ERC2: variants seen among roughly 807,000 people sequenced by gnomAD.
ERC2 encodes the protein ELKS/RAB6-interacting/CAST family member 2, also known as ERC protein 2.
In ERC2, 42 loss-of-function variants were observed where a neutral mutation model predicts 114.8. The observed-to-expected ratio is 0.37, with a 90% CI of 0.29 to 0.47. The LOEUF is 0.47. Among genes scored for constraint, ERC2 ranks in the 20% least tolerant of loss-of-function variants. The pLI, the probability that ERC2 is intolerant of heterozygous loss-of-function variation, is 0.99. For synonymous variants in ERC2, 454 were observed against 425.5 expected (o/e 1.07, Z -0.82); for missense variants, 939 against 1,150.7 (o/e 0.82, Z 2.66).
At chr3:55,609,266 C>T (rs1386348452) in intron 17 of ERC2, among the ~76,000 whole-genome samples, 1 of 152,186 alleles carries the variant, frequency 6.6e-6, no homozygotes, top group African/African-American at 2.4e-5. Context: ...ACCTGCACGG[C>T]ACAAGGTTCC....
At chr3:55,778,049 A>G (rs1476033980) in intron 14 of ERC2, among the ~76,000 whole-genome samples, 2 of 152,202 alleles carry the variant, frequency 1.3e-5, no homozygotes, top group East Asian at 3.8e-4. Context: ...TCCTTTTTCA[A>G]TGAAGTAAAT....
intron 7 of ERC2, among the ~76,000 whole-genome samples, chr3:56,037,302 T>A (rs2074869201): frequency 6.6e-6 from 1 of 152,090 alleles, no homozygotes; most frequent in Non-Finnish European, 1.5e-5. Flanking sequence ...CTAAGAACCC[T>A]GATAAAACAT....
At chr3:55,542,658 G>T (rs1234067807) in intron 17 of ERC2, among the ~76,000 whole-genome samples, 1 of 152,182 alleles carries the variant, frequency 6.6e-6, no homozygotes, top group Non-Finnish European at 1.5e-5. Flanking sequence ...ATGAAAAAAT[G>T]AAGAGCTTTG....
rs145560848 is a variant in ERC2 at position 56,101,741 on chromosome 3, T to C, written c.1474-20757A>G. Among the ~76,000 whole-genome samples the C allele has an allele frequency of 5.9e-3, 900 of 152,198 alleles. 23 individuals carry two copies. In the East Asian group the frequency reaches 0.062, roughly 10 times the overall value. ...AGCCATTGTGGTTTTAGTGTCCCTA[T>C]AATATAGAGGAAGTCATCCATTAAA... On this transcript the variant is annotated intron_variant, in intron 6 of 17. Coordinates refer to ENST00000288221, the MANE Select transcript of ERC2 (RefSeq NM_015576.3).
chr3:55,905,019 G>A (rs985558764), intron 13 of ERC2, among the ~76,000 whole-genome samples: 3 of 152,162 alleles, frequency 2.0e-5, no homozygotes, highest in South Asian at 2.1e-4. Context: ...AGCAGCTCCC[G>A]TTTCCAAATA....
chr3:56,018,079 G>A (rs1304702835), intron 8 of ERC2, among the ~76,000 whole-genome samples: 1 of 152,016 alleles, frequency 6.6e-6, no homozygotes, highest in African/African-American at 2.4e-5. Flanking sequence ...GACATAACGG[G>A]GATACCTAGG....
At chr3:55,643,555 C>T (rs942634905) in intron 17 of ERC2, among the ~76,000 whole-genome samples, 7 of 152,164 alleles carry the variant, frequency 4.6e-5, no homozygotes, top group South Asian at 2.1e-4. Flanking sequence ...TCTGTCTGTA[C>T]GTCACTTTCC....
intron 13 of ERC2, among the ~76,000 whole-genome samples, chr3:55,914,402 A>C (rs1439247620): frequency 6.6e-6 from 1 of 152,178 alleles, no homozygotes; most frequent in Admixed American, 6.5e-5. Context: ...ATGAAACAGA[A>C]GTTCAGAAAA....
At chr3:55,732,211 C>A (rs1202031305) in intron 15 of ERC2, among the ~76,000 whole-genome samples, 1 of 152,128 alleles carries the variant, frequency 6.6e-6, no homozygotes, top group Non-Finnish European at 1.5e-5. Flanking sequence ...ATACAAGACC[C>A]AGCATGGAGT....
intron 1 of ERC2, among the ~76,000 whole-genome samples, chr3:56,439,382 G>A (rs952373125): frequency 1.3e-5 from 2 of 152,188 alleles, no homozygotes; most frequent in African/African-American, 4.8e-5. Context: ...GGAGTTCGAG[G>A]CTACAGTGAG....
At chr3:55,671,808 G>T (rs1450989554) in intron 17 of ERC2, among the ~76,000 whole-genome samples, 9 of 152,072 alleles carry the variant, frequency 5.9e-5, no homozygotes. Flanking sequence ...GAGAAGTCAG[G>T]CTGCAGCAAA....
chr3:55,729,837 C>CAAAAAA lies in ERC2; in HGVS notation c.2712+4928_2712+4933dup, dbSNP rs71096498. ...AGGGTAATGCAGTGAGACTCTATCGCAAAAAAAAAAAAAAAAAAAAAAAAA... is the reference window on the plus strand; with the variant it reads ...AGGGTAATGCAGTGAGACTCTATCGCAAAAAAAAAAAAAAAAAAAAAAAAAAAAAAA... On this transcript the variant is annotated intron_variant, in intron 15 of 17. Transcript: ENST00000288221. Among the ~76,000 whole-genome samples, 301 of 61,634 alleles carry CAAAAAA rather than the reference C, an allele frequency of 4.9e-3. 87 individuals are homozygous for CAAAAAA. In the Middle Eastern group the frequency reaches 0.052, roughly 11 times the overall value. 40.4% of individuals were successfully genotyped at this position (61,634 alleles called of 152,430 possible). A position where few individuals can be genotyped will look rare whatever the true frequency, so the allele number is the denominator to read the frequency against.
At chr3:55,829,668 C>G (rs143407917) in intron 14 of ERC2, among the ~76,000 whole-genome samples, 1 of 152,136 alleles carries the variant, frequency 6.6e-6, no homozygotes, top group African/African-American at 2.4e-5. Context: ...GTGTGCACCA[C>G]CACATCCAGT....
chr3:56,298,025 A>G (rs2055569154), intron 2 of ERC2, among the ~76,000 whole-genome samples: 3 of 152,248 alleles, frequency 2.0e-5, no homozygotes. Flanking sequence ...ATGCAGAGAA[A>G]GAAACTGATA....
At chr3:56,405,490 T>C (rs9865182) in intron 2 of ERC2, among the ~76,000 whole-genome samples, 6,785 of 151,576 alleles carry the variant, frequency 0.045, 378 homozygotes, top group African/African-American at 0.13. Context: ...TCAAAGTCAA[T>C]GTTCACACAG....
chr3:56,306,764 C>G (rs375617999), intron 2 of ERC2, among the ~76,000 whole-genome samples: 2 of 152,116 alleles, frequency 1.3e-5, no homozygotes, highest in African/African-American at 2.4e-5. Flanking sequence ...GTGTAACAGC[C>G]CAGACTCTGG....
intron 1 of ERC2, among the ~76,000 whole-genome samples, chr3:56,449,356 G>A (rs1440997641): frequency 2.0e-5 from 3 of 152,134 alleles, no homozygotes; most frequent in Non-Finnish European, 4.4e-5. Context: ...CACCTGCATT[G>A]GTCCCTTGGA....
At position 55,517,216 on chromosome 3, in the gene ERC2, G is replaced by A. The variant is rs1244281303; in HGVS notation, c.*40-5940C>T. Among the ~76,000 whole-genome samples, 8 of 151,944 alleles carry A rather than the reference G, an allele frequency of 5.3e-5. No individual in the cohort carries two copies. In the South Asian group the frequency reaches 8.3e-4, roughly 16 times the overall value. On this transcript the variant is annotated intron_variant, in intron 17 of 17. Coordinates refer to ENST00000288221, the MANE Select transcript of ERC2 (RefSeq NM_015576.3). Reference sequence around the variant, plus strand: ...AGCACTTCGGGAGGCAGAGGCGGGCGGATCACTTGAGTCCAGGAGTTCAAG... The same window carrying A: ...AGCACTTCGGGAGGCAGAGGCGGGCAGATCACTTGAGTCCAGGAGTTCAAG...
At position 55,952,180 on chromosome 3, in the gene ERC2, C is replaced by CTATATATA. The variant is rs1491480619; in HGVS notation, c.2268-1621_2268-1620insTATATATA. 3.2e-3 allele frequency among the ~76,000 whole-genome samples: 81 copies of CTATATATA among 25,552 alleles called. 4 individuals are homozygous for CTATATATA. The highest frequency in any genetic ancestry group is 0.036 in the Middle Eastern group (1 of 28). The allele number at this position is 25,552 out of a possible 152,430, so 16.8% of individuals were successfully genotyped here. A position where few individuals can be genotyped will look rare whatever the true frequency, so the allele number is the denominator to read the frequency against. On this transcript the variant is annotated intron_variant, in intron 12 of 17. Coordinates refer to ENST00000288221, the MANE Select transcript of ERC2 (RefSeq NM_015576.3). ...ACACACACACACACACACACACACA[C>CTATATATA]TCTCTCTCTCTCTCTCTCTATATAT... is the stretch of plus-strand genomic sequence containing the variant.
Sources: allele counts gnomAD v4.1 joint callset (sites outside exome capture counted in the v4.1 genomes callset), GRCh38; gene constraint gnomAD v4.1.1; transcripts MANE v1.5; gene names NCBI Gene and HGNC (gene_info 2026-07-23, HGNC 2026-07-21).